Variants in CUBN observed in about 807,000 individuals in gnomAD.
CUBN encodes the protein 460 kDa receptor.
In CUBN, 282 loss-of-function variants were observed where a neutral mutation model predicts 405.3. The observed-to-expected ratio is 0.70, with a 90% confidence interval of 0.63 to 0.77. The LOEUF (loss-of-function observed/expected upper bound fraction) is 0.77, where lower values mean the gene tolerates loss of function less well. Among genes scored for constraint, CUBN ranks in the 30% least tolerant of loss-of-function variants. The probability of loss-of-function intolerance (pLI) is 0.00; values close to 1 mark genes in which losing one functional copy is unlikely to be tolerated. For missense variants in CUBN, 4,514 were observed against 4,475.2 expected, an observed-to-expected ratio of 1.01 and a Z score of -0.25; for synonymous variants, 1,684 against 1,617.0, an observed-to-expected ratio of 1.04 and a Z score of -0.99.
intron 31 of CUBN, among the ~76,000 whole-genome samples, chr10:16,982,026 T>C (rs2942364): frequency 0.73 from 111,577 of 152,158 alleles, 43,768 homozygotes; most frequent in Non-Finnish European, 0.89. Flanking sequence ...ATCTATTCCA[T>C]GATACTTTCT....
At chr10:17,075,830 G>C (rs1324839411) in intron 17 of CUBN, among the ~76,000 whole-genome samples, 1 of 152,134 alleles carries the variant, frequency 6.6e-6, no homozygotes, top group Non-Finnish European at 1.5e-5. Flanking sequence ...TCTGAGGGAA[G>C]GGAAAAATTT....
intron 6 of CUBN, among the ~76,000 whole-genome samples, chr10:17,117,678 C>T (rs925571693): frequency 2.0e-5 from 3 of 152,190 alleles, no homozygotes; most frequent in African/African-American, 4.8e-5. Context: ...GATCTGCCCA[C>T]CTCGGCCTCC....
At chr10:17,043,160 A>G (rs1429336925) in intron 26 of CUBN, among the ~76,000 whole-genome samples, 1 of 152,186 alleles carries the variant, frequency 6.6e-6, no homozygotes, top group Non-Finnish European at 1.5e-5. Flanking sequence ...TGGGACCACA[A>G]AGAAAAGTGA....
At position 17,071,985 on chromosome 10, in the gene CUBN, T is replaced by C. The variant is rs1434406180; in HGVS notation, c.2302-14A>G. 1 of 1,603,514 alleles carries C rather than the reference T, an allele frequency of 6.2e-7. No individual in the cohort carries two copies. Among genetic ancestry groups the C allele is most frequent in the East Asian group, 2.2e-5 (1 of 44,564 alleles). On this transcript the variant is annotated splice_polypyrimidine_tract_variant and intron_variant, in intron 17 of 66. Transcript: ENST00000377833. ...ACCATCTCGAACCTAAAGAGAAAAA[T>C]AAAATAGAGATGTAATTCAAATAAA...
intron 28 of CUBN, among the ~76,000 whole-genome samples, chr10:17,000,673 T>C (rs535757874): frequency 6.6e-6 from 1 of 152,376 alleles, no homozygotes; most frequent in South Asian, 2.1e-4. Flanking sequence ...ATATTTGCTT[T>C]CAGGCACCAT....
intron 54 of CUBN, among the ~76,000 whole-genome samples, chr10:16,891,630 C>T (rs1019775275): frequency 1.3e-5 from 2 of 152,030 alleles, no homozygotes; most frequent in Admixed American, 1.3e-4. Context: ...TGCCCTAGTT[C>T]AGGTGAGAGA....
At chr10:17,004,895 T>C (rs1462501863) in intron 28 of CUBN, among the ~76,000 whole-genome samples, 2 of 152,046 alleles carry the variant, frequency 1.3e-5, no homozygotes, top group Non-Finnish European at 2.9e-5. Flanking sequence ...CCTGACCTCA[T>C]GGTCCACCTG....
intron 48 of CUBN, among the ~76,000 whole-genome samples, chr10:16,910,166 GTTC>G (rs746334770): frequency 3.3e-4 from 44 of 133,746 alleles, no homozygotes; most frequent in Non-Finnish European, 5.8e-4. Context: ...CCTTCTTATT[GTTC>G]TTCTTTTTTT....
chr10:17,033,351 C>T (rs1834824189), intron 27 of CUBN, among the ~76,000 whole-genome samples: 1 of 152,198 alleles, frequency 6.6e-6, no homozygotes, highest in Admixed American at 6.5e-5. Flanking sequence ...AATTGTCCCT[C>T]CCAGCACTTA....
At chr10:16,832,031 C>G (rs963322148) in intron 64 of CUBN, among the ~76,000 whole-genome samples, 15 of 152,118 alleles carry the variant, frequency 9.9e-5, no homozygotes, top group African/African-American at 3.6e-4. Context: ...ATTCCGAGGC[C>G]TTGTTGCTTT....
At chr10:16,933,960 T>C (rs892002670) in intron 39 of CUBN, among the ~76,000 whole-genome samples, 3 of 152,316 alleles carry the variant, frequency 2.0e-5, no homozygotes, top group Admixed American at 2.0e-4. Flanking sequence ...AGTGAGCTCT[T>C]GCCCAGGTCC....
chr10:17,051,805 A>C (rs148252966), intron 22 of CUBN, among the ~76,000 whole-genome samples: 22 of 152,172 alleles, frequency 1.4e-4, no homozygotes, highest in Middle Eastern at 3.4e-3. Flanking sequence ...AAAACAAAGA[A>C]AAAACAACAA....
intron 28 of CUBN, among the ~76,000 whole-genome samples, chr10:16,996,223 A>T (rs189344318): frequency 6.6e-6 from 1 of 152,246 alleles, no homozygotes; most frequent in Non-Finnish European, 1.5e-5. Flanking sequence ...AACAGAATAC[A>T]TCATTAGACA....
chr10:16,835,342 G>C (rs1839137228), intron 63 of CUBN, 147 bp from the exon 64 acceptor site: 3 of 759,836 alleles, frequency 3.9e-6, no homozygotes, highest in Admixed American at 4.1e-5. Flanking sequence ...TGAGATAATT[G>C]AGACCCTGAG....
chr10:16,881,980 T>C (rs1167845059), intron 56 of CUBN, among the ~76,000 whole-genome samples: 1 of 152,206 alleles, frequency 6.6e-6, no homozygotes, highest in African/African-American at 2.4e-5. Flanking sequence ...AAAATAATTA[T>C]ATTAAACACT....
chr10:17,006,024 G>A (rs112433276), intron 28 of CUBN, among the ~76,000 whole-genome samples: 3 of 152,156 alleles, frequency 2.0e-5, no homozygotes, highest in East Asian at 1.9e-4. Flanking sequence ...GGCAGCATCC[G>A]CAAGCCAAGG....
intron 56 of CUBN, among the ~76,000 whole-genome samples, chr10:16,878,637 T>A (rs1840582513): frequency 6.6e-6 from 1 of 152,208 alleles, no homozygotes; most frequent in Non-Finnish European, 1.5e-5. Context: ...ATTTTTGGCA[T>A]CTGACATTCT....
intron 55 of CUBN, 64 bp downstream of exon 55, chr10:16,890,307 C>G (rs1840965138): frequency 6.4e-7 from 1 of 1,574,208 alleles, no homozygotes; most frequent in South Asian, 1.1e-5. Flanking sequence ...TTAGCCAACC[C>G]TGCCTGCCTG....
chr10:16,900,873 G>A (rs1841342124), intron 52 of CUBN, 23 bp from the exon 53 acceptor site: 4 of 1,517,102 alleles, frequency 2.6e-6, no homozygotes, highest in African/African-American at 2.7e-5. Context: ...AAAGAAAATG[G>A]TTGTCAGTGA....
Sources: gnomAD v4.1 joint callset for allele counts (sites outside exome capture counted in the v4.1 genomes callset) on GRCh38, gnomAD v4.1.1 for gene constraint, MANE v1.5 for transcripts, NCBI Gene and HGNC (gene_info 2026-07-23, HGNC 2026-07-21) for gene names.